Variants in DYNC2H1 observed in about 807,000 individuals in gnomAD.
The protein encoded by DYNC2H1 is dynein cytoplasmic 2 heavy chain 1, also known as cytoplasmic dynein 2 heavy chain 1.
In DYNC2H1, 410 loss-of-function variants were observed where a neutral mutation model predicts 570.0. The observed-to-expected ratio is 0.72, with a 90% CI of 0.66 to 0.78. The LOEUF (loss-of-function observed/expected upper bound fraction) is 0.78. Ranked by LOEUF, DYNC2H1 falls within the 30% of genes least tolerant of loss-of-function variation. The pLI is 0.00. For synonymous variants in DYNC2H1, 1,688 were observed against 1,677.6 expected (o/e 1.01, Z -0.15); for missense variants, 4,865 against 5,046.4 (o/e 0.96, Z 1.09).
rs757701499 is a variant in DYNC2H1 at position 103,188,497 on chromosome 11, G to A, written c.7141G>A (p.Val2381Ile). Residue 2381 changes from valine to isoleucine, a missense_variant and splice_region_variant, in exon 44 of 89, where the codon GTA (valine) becomes ATA (isoleucine). Physicochemically the swap from Val to Ile is conservative, Grantham distance 29. Transcript: ENST00000375735. The part of the protein sequence containing the change: ...TSTLVAFLQQ[V>I]LTYQGFYDEN... ...TTAAAATATATTTATTTTCAAATAG[G>A]TATTGACGTATCAAGGATTTTATGA... 11 of 1,583,800 alleles carry A rather than the reference G, an allele frequency of 6.9e-6. No homozygotes were observed. Among genetic ancestry groups the A allele is most frequent in the Admixed American group, 1.7e-5 (1 of 59,444 alleles).
Position 103,421,662 on chromosome 11 carries a change from G to C in DYNC2H1, c.12367-14281G>C, listed in dbSNP as rs940709464. On this transcript the variant is annotated intron_variant, in intron 84 of 88. Transcript: ENST00000375735. Reference sequence around the variant, plus strand: ...TCAAGAAATTCTTTGAAACTAATGAGAATGAAGAGACAATGTAGCAGAATC... The same window carrying C: ...TCAAGAAATTCTTTGAAACTAATGACAATGAAGAGACAATGTAGCAGAATC... Among the ~76,000 whole-genome samples the C allele has an allele frequency of 3.3e-5, 5 of 152,242 alleles. No homozygotes were observed. In the East Asian group the frequency reaches 7.7e-4, roughly 24 times the overall value.
chr11:103,154,908 A>G (rs1030269560), intron 24 of DYNC2H1, 99 bp downstream of exon 24: 1 of 877,236 alleles, frequency 1.1e-6, no homozygotes, highest in Non-Finnish European at 1.6e-6. Context: ...ATGTTTTTCA[A>G]TTAAATTATT....
rs560528298 is a variant in DYNC2H1, at chr11:103,220,802, G to A, written c.9107+19G>A. 33 of 1,588,130 alleles carry A rather than the reference G, an allele frequency of 2.1e-5. No homozygotes were observed. Among genetic ancestry groups the A allele is most frequent in the Non-Finnish European group, 2.7e-5 (32 of 1,167,836 alleles). ...TGAAAAGGTACATTTTTCAATTTGT[G>A]AAAAATATTATTTCGGCAATGAATG... On this transcript the variant is annotated intron_variant, in intron 57 of 88. Coordinates refer to ENST00000375735, the MANE Select transcript of DYNC2H1 (RefSeq NM_001377.3).
chr11:103,192,763 G>A (rs890583842), intron 47 of DYNC2H1, among the ~76,000 whole-genome samples: 11 of 152,118 alleles, frequency 7.2e-5, no homozygotes, highest in African/African-American at 2.7e-4. Context: ...AACTATTACT[G>A]CTTAATAACC....
At position 103,479,258 on chromosome 11, in the gene DYNC2H1, T is replaced by C. The variant is rs887119088; in HGVS notation, c.*5T>C. 6.8e-6 allele frequency: 11 copies of C among 1,607,106 alleles called. No homozygotes were observed. The African/African-American group carries it at 1.2e-4, about 18-fold the overall frequency. On this transcript the variant is annotated 3_prime_UTR_variant, in exon 89 of 89. Transcript: ENST00000375735. ...CTATTCCTAAAAAATCAGTAGAATC[T>C]AATGACAACAAAAGCCATCTTCACA...
intron 48 of DYNC2H1, among the ~76,000 whole-genome samples, chr11:103,198,489 C>A (rs1176579898): frequency 6.6e-6 from 1 of 152,094 alleles, no homozygotes; most frequent in Non-Finnish European, 1.5e-5. Context: ...GCTGCTGGTC[C>A]ACTGAAACTT....
Position 103,177,502 on chromosome 11 carries a change from C to A in DYNC2H1, c.5875-54C>A, listed in dbSNP as rs1861873488. On this transcript the variant is annotated intron_variant, in intron 37 of 88. Transcript: ENST00000375735. This position sits in a 1 kb window ranked among gnomAD's most constrained non-coding sequence, Gnocchi z 4.4. ...CAAGTGTTACAGAATAAAAGCAGAACTAAGTATGATTGAATATTATAAATC... is the reference window on the plus strand; with the variant it reads ...CAAGTGTTACAGAATAAAAGCAGAAATAAGTATGATTGAATATTATAAATC... The A allele has an allele frequency of 2.0e-6, 3 of 1,531,522 alleles. No individual in the cohort carries two copies. The South Asian group carries it at 3.8e-5, about 20-fold the overall frequency. The allele number at this position is 1,531,522 out of a possible 1,614,324, so 94.9% of individuals were successfully genotyped here.
At chr11:103,457,553 A>C (rs1944831608) in intron 87 of DYNC2H1, among the ~76,000 whole-genome samples, 1 of 105,524 alleles carries the variant, frequency 9.5e-6, no homozygotes, top group Non-Finnish European at 1.8e-5. Flanking sequence ...ATAAATTTTA[A>C]AAAGAAAAAA....
Position 103,189,699 on chromosome 11 carries a change from G to T in DYNC2H1, c.7320G>T (p.Thr2440=). 1 of 1,612,752 alleles carries T rather than the reference G, an allele frequency of 6.2e-7. No individual in the cohort carries two copies. Among genetic ancestry groups the T allele is most frequent in the South Asian group, 1.1e-5 (1 of 91,008 alleles). Residue 2440 remains threonine, a synonymous_variant, in exon 45 of 89, where the codon ACG becomes ACT. Transcript: ENST00000375735. This position sits in a 1 kb window ranked among gnomAD's most constrained non-coding sequence, Gnocchi z 4.3. ...IDYPEREQLQ[T]IYGAYLEPVL... ...ACCCAGAAAGAGAGCAGTTACAAAC[G>T]ATTTATGGAGCATATTTGGAACCAG...
At chr11:103,333,399 G>C (rs1938930086) in intron 82 of DYNC2H1, among the ~76,000 whole-genome samples, 1 of 152,128 alleles carries the variant, frequency 6.6e-6, no homozygotes, top group Non-Finnish European at 1.5e-5. Context: ...GAGTAGCTGG[G>C]ACTACAGGTA....
intron 79 of DYNC2H1, among the ~76,000 whole-genome samples, chr11:103,316,160 G>A (rs752648270): frequency 2.6e-5 from 4 of 151,622 alleles, no homozygotes; most frequent in Non-Finnish European, 5.9e-5. Context: ...TAAGCTTTTG[G>A]GCCTTTTTTT....
Position 103,109,782 on chromosome 11 carries a change from G to A in DYNC2H1, c.195+13G>A, listed in dbSNP as rs1858022023. On this transcript the variant is annotated intron_variant, in intron 1 of 88. Transcript: ENST00000375735. ...CTTTTCCAACACGGTACGGTTCCTT[G>A]CACTCCTGCCTGACCCCTGACCACT... is the stretch of plus-strand genomic sequence containing the variant. 1 of 1,606,820 alleles carries A rather than the reference G, an allele frequency of 6.2e-7. No individual in the cohort carries two copies. The highest frequency in any genetic ancestry group is 2.2e-5 in the East Asian group (1 of 44,756).
intron 85 of DYNC2H1, among the ~76,000 whole-genome samples, chr11:103,452,910 CTT>C (rs1371330809): frequency 6.6e-6 from 1 of 152,024 alleles, no homozygotes; most frequent in Non-Finnish European, 1.5e-5. Context: ...TATCATATCA[CTT>C]TTGAAAATCA....
intron 82 of DYNC2H1, among the ~76,000 whole-genome samples, chr11:103,353,465 T>C: frequency 6.6e-6 from 1 of 152,220 alleles, no homozygotes; most frequent in East Asian, 1.9e-4. Context: ...AGATTTCTAT[T>C]TCTCTGTATC....
intron 78 of DYNC2H1, among the ~76,000 whole-genome samples, chr11:103,309,168 A>ATTTTTTTCTTTTTTTTTTTTTTTTTTTT (rs1867445199): frequency 1.8e-5 from 1 of 54,620 alleles, no homozygotes; most frequent in Admixed American, 3.2e-4. Context: ...ACTGCATGCT[A>ATTTTTTTCTTTTTTTTTTTTTTTTTTTT]TTTTTTTTTT....
chr11:103,346,422 G>T (rs969671884), intron 82 of DYNC2H1, among the ~76,000 whole-genome samples: 1 of 152,108 alleles, frequency 6.6e-6, no homozygotes. Context: ...TAATGTATTT[G>T]TACTTTTATA....
At chr11:103,476,143 A>C (rs1268777088) in intron 88 of DYNC2H1, among the ~76,000 whole-genome samples, 3 of 152,204 alleles carry the variant, frequency 2.0e-5, no homozygotes, top group African/African-American at 7.2e-5. Flanking sequence ...TGACAATTAC[A>C]GGTTTTTATT....
chr11:103,386,840 T>C (rs1941898807), intron 83 of DYNC2H1, among the ~76,000 whole-genome samples: 1 of 152,230 alleles, frequency 6.6e-6, no homozygotes, highest in Admixed American at 6.5e-5. Flanking sequence ...TCATCATTTT[T>C]TGTGGCTGCA....
chr11:103,384,584 T>C (rs1345334166), intron 83 of DYNC2H1, among the ~76,000 whole-genome samples: 1 of 152,204 alleles, frequency 6.6e-6, no homozygotes, highest in Non-Finnish European at 1.5e-5. Flanking sequence ...TATGCATTTT[T>C]TACTTTTTAG....
Sources: allele counts gnomAD v4.1 joint callset (sites outside exome capture counted in the v4.1 genomes callset), GRCh38; gene constraint gnomAD v4.1.1; non-coding constraint Gnocchi (gnomAD v3.1); transcripts MANE v1.5; gene names NCBI Gene and HGNC (gene_info 2026-07-23, HGNC 2026-07-21).